The following FRMPD4 variants were observed in gnomAD, a reference collection of about 807,000 sequenced individuals.
FRMPD4 encodes FERM and PDZ domain-containing protein 4.
A neutral mutation model predicts 94.1 loss-of-function variants in FRMPD4; 22 were observed. That is an observed-to-expected ratio of 0.23 (90% CI 0.17 to 0.33). The LOEUF is 0.33. Among genes scored for constraint, FRMPD4 ranks in the 10% least tolerant of loss-of-function variants. The probability of loss-of-function intolerance (pLI) is 1.00; values close to 1 mark genes in which losing one functional copy is unlikely to be tolerated. For missense variants in FRMPD4, 1,111 were observed against 1,339.9 expected, an observed-to-expected ratio of 0.83 and a Z score of 2.67; for synonymous variants, 631 against 548.6, an observed-to-expected ratio of 1.15 and a Z score of -2.10.
chrX:12,461,937 T>C (rs2057395028), intron 1 of FRMPD4, among the ~76,000 whole-genome samples: 1 of 111,881 alleles, frequency 8.9e-6, no homozygotes, highest in South Asian at 3.7e-4. Flanking sequence ...ACCCCAAATA[T>C]CTCAGTGGCT....
rs778968220 is a variant in FRMPD4 at position 12,642,145 on chromosome X, T to C, written c.422+27264T>C. 9.9e-4 allele frequency among the ~76,000 whole-genome samples: 111 copies of C among 111,571 alleles called. 2 individuals carry two copies. Among genetic ancestry groups the C allele is most frequent in the African/African-American group, 3.5e-3 (109 of 30,719 alleles). ...GTTAGGCATGATGCAAGGCACTGATTATGGGATGGCAAACAAAATGGACCT... is the reference window on the plus strand; with the variant it reads ...GTTAGGCATGATGCAAGGCACTGATCATGGGATGGCAAACAAAATGGACCT... On this transcript the variant is annotated intron_variant, in intron 4 of 16. Coordinates refer to ENST00000675598, the MANE Select transcript of FRMPD4 (RefSeq NM_001368397.1).
intron 1 of FRMPD4, among the ~76,000 whole-genome samples, chrX:11,841,382 G>C (rs867245076): frequency 1.8e-5 from 2 of 109,333 alleles, no homozygotes; most frequent in Non-Finnish European, 1.9e-5. Context: ...AAGTGTTCCT[G>C]TTTCTCCACA....
intron 3 of FRMPD4, among the ~76,000 whole-genome samples, chrX:12,093,253 G>A (rs983737986): frequency 9.0e-6 from 1 of 111,493 alleles, no homozygotes; most frequent in African/African-American, 3.3e-5. Flanking sequence ...TAGAAGAGCT[G>A]CATTGTTTGA....
intron 1 of FRMPD4, among the ~76,000 whole-genome samples, chrX:12,282,043 A>T (rs1392078226): frequency 8.9e-6 from 1 of 112,450 alleles, no homozygotes; most frequent in Non-Finnish European, 1.9e-5. Context: ...CTATTGATAC[A>T]AATTTAATCA....
intron 2 of FRMPD4, among the ~76,000 whole-genome samples, chrX:12,535,814 C>T (rs2058333079): frequency 9.0e-6 from 1 of 111,345 alleles, no homozygotes; most frequent in South Asian, 3.8e-4. Context: ...GCCCACAAAG[C>T]CCAAAGTATT....
At chrX:12,673,887 C>A (rs1203084825) in intron 4 of FRMPD4, among the ~76,000 whole-genome samples, 1 of 112,119 alleles carries the variant, frequency 8.9e-6, no homozygotes, top group East Asian at 2.8e-4. Flanking sequence ...GGCCGAGCCA[C>A]AAATCAGTTA....
intron 1 of FRMPD4, among the ~76,000 whole-genome samples, chrX:12,407,776 C>A (rs374577681): frequency 1.8e-5 from 2 of 111,514 alleles, no homozygotes; most frequent in African/African-American, 6.5e-5. Flanking sequence ...ACAATATGTA[C>A]ATGAGTGAGT....
At chrX:11,991,120 C>T (rs1010318033) in intron 3 of FRMPD4, among the ~76,000 whole-genome samples, 1 of 111,548 alleles carries the variant, frequency 9.0e-6, no homozygotes, top group Non-Finnish European at 1.9e-5. Context: ...TGCAAAGATG[C>T]AGTCTTATAT....
At position 12,721,872 on chromosome X, in the gene FRMPD4, G is replaced by A. The variant is rs2042247490; in HGVS notation, c.*14G>A. ...TTAAACAAATAAATATGGAAGTCAC[G>A]TCATAATCTACCTTTGCAAAGCCAT... On this transcript the variant is annotated 3_prime_UTR_variant, in exon 17 of 17. Coordinates refer to ENST00000675598, the MANE Select transcript of FRMPD4 (RefSeq NM_001368397.1). 1.4e-6 allele frequency: 1 copy of A among 740,367 alleles called. No homozygotes were observed. The highest frequency in any genetic ancestry group is 6.9e-5 in the South Asian group (1 of 14,561). The allele number at this position is 740,367 out of a possible 1,213,427, so 61.0% of individuals were successfully genotyped here.
intron 1 of FRMPD4, among the ~76,000 whole-genome samples, chrX:12,270,463 A>G (rs994309098): frequency 3.6e-5 from 4 of 111,422 alleles, no homozygotes; most frequent in Admixed American, 2.9e-4. Context: ...CAGTCTTGAT[A>G]TTGCAATTAA....
intron 3 of FRMPD4, among the ~76,000 whole-genome samples, chrX:12,105,572 C>A (rs981629271): frequency 8.9e-6 from 1 of 112,315 alleles, no homozygotes; most frequent in South Asian, 3.7e-4. Flanking sequence ...AAACCCTTAA[C>A]GTGAATGTAA....
At chrX:12,228,361 A>G (rs191170367) in intron 1 of FRMPD4, among the ~76,000 whole-genome samples, 8 of 112,515 alleles carry the variant, frequency 7.1e-5, no homozygotes, top group African/African-American at 1.9e-4. Flanking sequence ...ACATTGTGGA[A>G]AATGTTTTAT....
chrX:12,544,078 G>A (rs2058447806), intron 2 of FRMPD4, among the ~76,000 whole-genome samples: 1 of 95,344 alleles, frequency 1.0e-5, no homozygotes, highest in Non-Finnish European at 2.1e-5. Context: ...ACACACCGGG[G>A]CCTGTTGTGG....
chrX:11,923,782 C>T (rs1447571578), intron 3 of FRMPD4, among the ~76,000 whole-genome samples: 2 of 112,203 alleles, frequency 1.8e-5, no homozygotes, highest in Non-Finnish European at 3.8e-5. Flanking sequence ...ATCCAAAGGT[C>T]GGCAACCTCA....
chrX:12,221,229 C>G (rs1274262808), intron 1 of FRMPD4, among the ~76,000 whole-genome samples: 1 of 112,334 alleles, frequency 8.9e-6, no homozygotes, highest in Non-Finnish European at 1.9e-5. Flanking sequence ...ACATATGCTT[C>G]TGACTTTAAG....
intron 4 of FRMPD4, among the ~76,000 whole-genome samples, chrX:12,653,242 G>A (rs1327071488): frequency 1.8e-5 from 2 of 111,850 alleles, no homozygotes; most frequent in African/African-American, 3.2e-5. Context: ...TTCTTAAAAC[G>A]TAAAGAATAG....
chrX:12,412,620 C>G (rs2056748340), intron 1 of FRMPD4, among the ~76,000 whole-genome samples: 1 of 112,284 alleles, frequency 8.9e-6, no homozygotes, highest in African/African-American at 3.2e-5. Flanking sequence ...CAGCCACAGC[C>G]TGTTGTGAGA....
chrX:12,508,677 T>A (rs1195673085), intron 2 of FRMPD4, among the ~76,000 whole-genome samples: 3 of 111,518 alleles, frequency 2.7e-5, no homozygotes, highest in African/African-American at 9.8e-5. Context: ...CTTAAATTAC[T>A]GATGTAGAAA....
rs1348451632 is a variant in FRMPD4 at position 12,382,520 on chromosome X, GCAT to G, written c.42-116159_42-116157del. ...GCATAGCATAGCATAGCATAGCATA[GCAT>G]AGCATAGAGCATAGCATAGCATAGC... On this transcript the variant is annotated intron_variant, in intron 1 of 16. Transcript: ENST00000675598. Among the ~76,000 whole-genome samples, 125 of 60,510 alleles carry G rather than the reference GCAT, an allele frequency of 2.1e-3. 1 individual carries two copies. Among genetic ancestry groups the G allele is most frequent in the African/African-American group, 8.1e-3 (116 of 14,236 alleles). 52.5% of individuals were successfully genotyped at this position (60,510 alleles called of 115,157 possible). A position where few individuals can be genotyped will look rare whatever the true frequency, so the allele number is the denominator to read the frequency against.
Sources: allele counts gnomAD v4.1 joint callset (sites outside exome capture counted in the v4.1 genomes callset), GRCh38; gene constraint gnomAD v4.1.1; transcripts MANE v1.5; gene names NCBI Gene and HGNC (gene_info 2026-07-23, HGNC 2026-07-21).